Variants in NECAB3 observed in about 807,000 individuals in gnomAD.
NECAB3 encodes N-terminal EF-hand calcium binding protein 3.
A neutral mutation model predicts 57.2 loss-of-function variants in NECAB3; 38 were observed. The observed-to-expected ratio is 0.66, with a 90% CI of 0.51 to 0.87. NECAB3 has a LOEUF of 0.87. Among genes scored for constraint, NECAB3 ranks in the 40% least tolerant of loss-of-function variants. The pLI, the probability that NECAB3 is intolerant of heterozygous loss-of-function variation, is 0.00. For missense variants in NECAB3, 474 were observed against 527.5 expected (o/e 0.90, Z 0.99); for synonymous variants, 223 against 222.6 (o/e 1.00, Z -0.02).
intron 5 of NECAB3, chr20:33,667,865 GC>G: frequency 1.2e-6 from 2 of 1,603,366 alleles, no homozygotes; most frequent in Non-Finnish European, 1.7e-6. Flanking sequence ...CGCTTCCGCT[GC>G]CCCGAACCCA....
At chr20:33,666,817 G>T (rs1190377132) in intron 5 of NECAB3, 1 of 152,338 alleles carries the variant, frequency 6.6e-6, no homozygotes, top group African/African-American at 2.4e-5. Context: ...CTAGGGGCCG[G>T]GCCTCAGGCC....
chr20:33,657,531 G>T lies in NECAB3; in HGVS notation c.*298C>A, dbSNP rs917942036. The T allele has an allele frequency of 7.9e-6, 3 of 381,538 alleles. No homozygotes were observed. Among genetic ancestry groups the T allele is most frequent in the African/African-American group, 7.7e-5 (3 of 38,868 alleles). The allele number at this position is 381,538 out of a possible 1,614,324, so 23.6% of individuals were successfully genotyped here. ...GCCCACCCAGACAGGGACGGGACCT[G>T]CCCTGGGTCGCTCAGCCAGGCAGGG... On this transcript the variant is annotated 3_prime_UTR_variant, in exon 12 of 12. Coordinates refer to ENST00000246190, the MANE Select transcript of NECAB3 (RefSeq NM_031232.4).
intron 1 of NECAB3, among the ~76,000 whole-genome samples, chr20:33,673,344 G>A (rs1377729543): frequency 6.6e-6 from 1 of 152,168 alleles, no homozygotes; most frequent in Non-Finnish European, 1.5e-5. Flanking sequence ...TGGGGCTCAG[G>A]AAAGACTCTA....
chr20:33,663,957 G>A, intron 5 of NECAB3: 4 of 1,201,688 alleles, frequency 3.3e-6, no homozygotes, highest in Middle Eastern at 2.9e-4. Context: ...CGGAGTCGGG[G>A]TGGGCAAAGC....
intron 5 of NECAB3, chr20:33,662,678 G>T: frequency 1.7e-6 from 1 of 586,358 alleles, no homozygotes; most frequent in Non-Finnish European, 2.9e-6. Flanking sequence ...GGTGGCTCAC[G>T]CCTGTAATCC....
rs1268892414 is a variant in NECAB3 at position 33,657,954 on chromosome 20, CAGT to C, written c.1147_1149del (p.Thr383del). Reference sequence around the variant, plus strand: ...GTCCACCGCATACCTGGGAAGAACACAGTGGTGAGGGTGTCCGGGGCCCGCAGG... The same window carrying C: ...GTCCACCGCATACCTGGGAAGAACACGGTGAGGGTGTCCGGGGCCCGCAGG... On this transcript the variant is annotated inframe_deletion, in exon 11 of 12. Transcript: ENST00000246190. 1.7e-5 allele frequency: 26 copies of C among 1,557,260 alleles called. No individual in the cohort carries two copies. The highest frequency in any genetic ancestry group is 2.2e-5 in the Non-Finnish European group (25 of 1,150,356).
chr20:33,658,838 G>A lies in NECAB3; in HGVS notation c.880-4C>T, dbSNP rs2017366433. ...GCCTCTGGGCCATGAGGATGTGCTG[G>A]TGGGAGAGGCAGCCGGTCAGCTGGT... On this transcript the variant is annotated splice_polypyrimidine_tract_variant and splice_region_variant and intron_variant, in intron 8 of 11. Coordinates refer to ENST00000246190, the MANE Select transcript of NECAB3 (RefSeq NM_031232.4). 6.2e-7 allele frequency: 1 copy of A among 1,611,666 alleles called. No homozygotes were observed. Among genetic ancestry groups the A allele is most frequent in the Non-Finnish European group, 8.5e-7 (1 of 1,178,750 alleles).
rs1383982568 is a variant in NECAB3, at chr20:33,659,479, C to A, written c.879+18G>T. The A allele has an allele frequency of 3.2e-5, 46 of 1,450,114 alleles. No homozygotes were observed. Among genetic ancestry groups the A allele is most frequent in the Non-Finnish European group, 4.1e-5 (45 of 1,096,446 alleles). 89.8% of individuals were successfully genotyped at this position (1,450,114 alleles called of 1,614,324 possible). Reference sequence around the variant, plus strand: ...CCAGACACGGCCATCCAGCCGCTTGCCCCTCTCCTGGGCTCACCAAGTCAG... The same window carrying A: ...CCAGACACGGCCATCCAGCCGCTTGACCCTCTCCTGGGCTCACCAAGTCAG... On this transcript the variant is annotated intron_variant, in intron 8 of 11. Coordinates refer to ENST00000246190, the MANE Select transcript of NECAB3 (RefSeq NM_031232.4).
chr20:33,658,036 G>A lies in NECAB3; in HGVS notation c.1071-3C>T, dbSNP rs1354196463. 13 of 1,550,358 alleles carry A rather than the reference G, an allele frequency of 8.4e-6. No individual in the cohort carries two copies. The East Asian group carries it at 2.4e-4, about 29-fold the overall frequency. ...TGCTGCCAGGCGACTGCTGGTGCCT[G>A]CAGAGACCCAGGCTACAGTGACCTC... On this transcript the variant is annotated splice_polypyrimidine_tract_variant and splice_region_variant and intron_variant, in intron 10 of 11. Transcript: ENST00000246190.
intron 2 of NECAB3, chr20:33,672,162 A>G: frequency 3.4e-6 from 2 of 582,110 alleles, no homozygotes; most frequent in South Asian, 2.0e-5. Context: ...GTGCTGTGTG[A>G]AAGTCAGCCC....
At chr20:33,662,253 G>A (rs1662653138) in intron 5 of NECAB3, 1 of 1,479,550 alleles carries the variant, frequency 6.8e-7, no homozygotes, top group Non-Finnish European at 9.1e-7. Flanking sequence ...TGCAATTGGT[G>A]AGGTCAGCCC....
chr20:33,667,033 G>C (rs1424945674), intron 5 of NECAB3: 1 of 159,984 alleles, frequency 6.3e-6, no homozygotes, highest in Non-Finnish European at 1.4e-5. Context: ...ACGAAGCCGA[G>C]TGGCGCGGAG....
intron 5 of NECAB3, chr20:33,662,485 A>C (rs372626931): frequency 1.9e-6 from 3 of 1,549,340 alleles, no homozygotes; most frequent in Non-Finnish European, 2.6e-6. Flanking sequence ...AGGGCGGGGG[A>C]TGGGGAGCAG....
At chr20:33,664,203 G>C (rs2017585324) in intron 5 of NECAB3, 1 of 298,868 alleles carries the variant, frequency 3.3e-6, no homozygotes, top group African/African-American at 2.2e-5. Flanking sequence ...ACCCAGGCTT[G>C]GCCACGCTAG....
At chr20:33,667,808 CCA>C in intron 5 of NECAB3, 1 of 1,612,594 alleles carries the variant, frequency 6.2e-7, no homozygotes, top group Non-Finnish European at 8.5e-7. Flanking sequence ...CACCATCCGG[CCA>C]GTTTCAGCGT....
At chr20:33,668,056 T>C (rs1436344911) in intron 5 of NECAB3, 6 of 1,564,042 alleles carry the variant, frequency 3.8e-6, no homozygotes, top group East Asian at 4.8e-5. Flanking sequence ...GGAGGCGCAG[T>C]GCCGGCGGCA....
At chr20:33,668,248 TG>T (rs551645512) in intron 5 of NECAB3, 370 of 1,548,590 alleles carry the variant, frequency 2.4e-4, no homozygotes, top group Admixed American at 7.4e-4. Flanking sequence ...CAGGCTGGAC[TG>T]GGGGGGGTGG....
chr20:33,672,492 G>T, intron 1 of NECAB3, 70 bp from the exon 2 acceptor site: 2 of 1,591,416 alleles, frequency 1.3e-6, no homozygotes, highest in Non-Finnish European at 1.7e-6. Flanking sequence ...CACTCAACCC[G>T]ACAGGGTCCC....
chr20:33,659,953 C>T lies in NECAB3; in HGVS notation c.575G>A (p.Arg192Gln), dbSNP rs560398402. 2.2e-5 allele frequency: 35 copies of T among 1,556,894 alleles called. 1 individual carries two copies. The South Asian group carries it at 3.1e-4, about 14-fold the overall frequency. The part of the protein sequence containing the change: ...EAQSRLCGSR[R>Q]AGRRALRSVS... ...ACTCCTCAGGGCTCGGCGTCCTGCC[C>T]GCCGGCTGCCGCAGAGCCTGCTCTG... Residue 192 changes from arginine to glutamine, a missense_variant, in exon 7 of 12, where the codon CGG (arginine) becomes CAG (glutamine). Physicochemically the swap from Arg to Gln is conservative, Grantham distance 43. Transcript: ENST00000246190.
Sources: allele counts gnomAD v4.1 joint callset (sites outside exome capture counted in the v4.1 genomes callset), GRCh38; gene constraint gnomAD v4.1.1; transcripts MANE v1.5; gene names NCBI Gene and HGNC (gene_info 2026-07-23, HGNC 2026-07-21).